ACLY: variants seen among roughly 807,000 people sequenced by gnomAD.
The protein encoded by ACLY is ATP-citrate synthase.
In ACLY, 41 loss-of-function variants were observed where a neutral mutation model predicts 133.0. That is an observed-to-expected ratio of 0.31 (90% CI 0.24 to 0.40). The LOEUF (loss-of-function observed/expected upper bound fraction) is 0.40. ACLY is among the 10% of genes least tolerant of loss of function. The probability of loss-of-function intolerance (pLI) is 1.00; values close to 1 mark genes in which losing one functional copy is unlikely to be tolerated. For synonymous variants in ACLY, 495 were observed against 549.3 expected, an observed-to-expected ratio of 0.90 and a Z score of 1.38; for missense variants, 1,046 against 1,453.8, an observed-to-expected ratio of 0.72 and a Z score of 4.56.
chr17:41,902,383 T>C (rs2049565962), intron 10 of ACLY, among the ~76,000 whole-genome samples: 1 of 152,198 alleles, frequency 6.6e-6, no homozygotes, highest in Admixed American at 6.5e-5. Context: ...CTGGCTAATT[T>C]TTTTATTTTT....
chr17:41,906,691 T>TGG (rs1555632755), intron 7 of ACLY, 45 bp from the exon 8 acceptor site: 1 of 1,553,090 alleles, frequency 6.4e-7, no homozygotes, highest in Admixed American at 1.7e-5. Flanking sequence ...GTACCCCCTT[T>TGG]ACCAGGTCCC....
intron 22 of ACLY, among the ~76,000 whole-genome samples, chr17:41,874,949 T>TAG (rs1174693101): frequency 6.8e-6 from 1 of 148,036 alleles, no homozygotes; most frequent in Non-Finnish European, 1.5e-5. Flanking sequence ...AAATGAGGCT[T>TAG]AGAGAGGCTC....
In ACLY at chr17:41,893,126, C is replaced by A. The variant is rs2049261878; in HGVS notation, c.1508G>T (p.Gly503Val). The change falls in exon 15 of 29, where the codon GGC (glycine) becomes GTC (valine). Residue 503 changes from glycine to valine, a missense_variant. By Grantham distance (109) the Gly-to-Val change is moderately radical (BLOSUM62 -3). Transcript: ENST00000352035. Reference sequence around the variant, plus strand: ...GCCTTGCACGGCCCGGGTCTGCATGCCCCACACAATGGCCTTGGTGTGGCG... The same window carrying A: ...GCCTTGCACGGCCCGGGTCTGCATGACCCACACAATGGCCTTGGTGTGGCG... The part of the protein sequence containing the change: ...FSRHTKAIVW[G>V]MQTRAVQGML... The A allele has an allele frequency of 6.2e-7, 1 of 1,614,054 alleles. No homozygotes were observed. Among genetic ancestry groups the A allele is most frequent in the East Asian group, 2.2e-5 (1 of 44,876 alleles).
chr17:41,880,657 G>A (rs940052505), intron 20 of ACLY, among the ~76,000 whole-genome samples: 3 of 152,118 alleles, frequency 2.0e-5, no homozygotes, highest in Non-Finnish European at 4.4e-5. Flanking sequence ...GAGGTCAGGA[G>A]ACTGAGACCA....
chr17:41,916,971 T>C (rs1555634639), intron 1 of ACLY, among the ~76,000 whole-genome samples: 2 of 151,456 alleles, frequency 1.3e-5, no homozygotes, highest in Non-Finnish European at 2.9e-5. Flanking sequence ...GGTGAAACCC[T>C]GTTTCTACTA....
At chr17:41,897,578 G>A (rs1332882982) in intron 13 of ACLY, among the ~76,000 whole-genome samples, 171 bp downstream of exon 13, 1 of 152,102 alleles carries the variant, frequency 6.6e-6, no homozygotes, top group African/African-American at 2.4e-5. Context: ...AGCGCCCACA[G>A]GGAAGGCTCA....
rs2049802731 is a variant in ACLY at position 41,908,770 on chromosome 17, CAAAG to C, written c.616+215_616+218del. Among the ~76,000 whole-genome samples the C allele has an allele frequency of 2.0e-5, 3 of 152,082 alleles. No individual in the cohort carries two copies. In the South Asian group the frequency reaches 6.2e-4, roughly 32 times the overall value. On this transcript the variant is annotated intron_variant, in intron 6 of 28. Transcript: ENST00000352035. Reference sequence around the variant, plus strand: ...CAGGGCAAGACTCTGTCTCTAAGACCAAAGAGAGAGGTTGGAGTTGACTAAGAGA... The same window carrying C: ...CAGGGCAAGACTCTGTCTCTAAGACCAGAGAGGTTGGAGTTGACTAAGAGA...
intron 1 of ACLY, among the ~76,000 whole-genome samples, chr17:41,917,753 A>AGAAC (rs1555634759): frequency 6.6e-6 from 1 of 152,096 alleles, no homozygotes; most frequent in African/African-American, 2.4e-5. Context: ...GCATAGTGTC[A>AGAAC]GAACGGGGAT....
chr17:41,880,394 T>C (rs2048882384), intron 20 of ACLY, among the ~76,000 whole-genome samples: 1 of 152,200 alleles, frequency 6.6e-6, no homozygotes, highest in East Asian at 1.9e-4. Context: ...GAAAGACACC[T>C]TAAAGCGTGA....
chr17:41,884,729 A>G (rs1486298625), intron 18 of ACLY, among the ~76,000 whole-genome samples: 1 of 152,200 alleles, frequency 6.6e-6, no homozygotes, highest in Non-Finnish European at 1.5e-5. Context: ...TACTAAAAAT[A>G]CAAAAATCAG....
At position 41,867,688 on chromosome 17, in the gene ACLY, G is replaced by T. The variant is rs1356371663; in HGVS notation, c.*122C>A. On this transcript the variant is annotated 3_prime_UTR_variant, in exon 29 of 29. Transcript: ENST00000352035. ...GTTGGTCTTCGGTGCCTGTACCCCA[G>T]TGGCTGTTTACATTCCAGGCCCCTG... The T allele has an allele frequency of 1.5e-6, 1 of 649,468 alleles. No homozygotes were observed. Among genetic ancestry groups the T allele is most frequent in the Non-Finnish European group, 2.6e-6 (1 of 391,642 alleles). 40.2% of individuals were successfully genotyped at this position (649,468 alleles called of 1,614,324 possible).
At position 41,895,486 on chromosome 17, in the gene ACLY, A is replaced by AG. The variant is rs575274260; in HGVS notation, c.1459+1133dup. On this transcript the variant is annotated intron_variant, in intron 14 of 28. Coordinates refer to ENST00000352035, the MANE Select transcript of ACLY (RefSeq NM_001096.3). ...AGGCTCCAGAGAGAACCTCTGTGCCAGGGGCTATGCCCCCTACACCAGGCC... is the reference window on the plus strand; with the variant it reads ...AGGCTCCAGAGAGAACCTCTGTGCCAGGGGGCTATGCCCCCTACACCAGGCC... 1.5e-3 allele frequency among the ~76,000 whole-genome samples: 221 copies of AG among 152,256 alleles called. 1 individual carries two copies. The highest frequency in any genetic ancestry group is 2.5e-3 in the Non-Finnish European group (170 of 67,984).
chr17:41,917,134 C>CA (rs35545409), intron 1 of ACLY, among the ~76,000 whole-genome samples: 9,644 of 53,022 alleles, frequency 0.18, 910 homozygotes, highest in Non-Finnish European at 0.24. Flanking sequence ...GACTCTGTCT[C>CA]AAAAAAAAAA....
chr17:41,929,449 T>C (rs782158565), intron 1 of ACLY, among the ~76,000 whole-genome samples: 1 of 152,132 alleles, frequency 6.6e-6, no homozygotes, highest in Non-Finnish European at 1.5e-5. Context: ...AGCTCAAATA[T>C]TACCCCTCTA....
At chr17:41,887,788 A>G in intron 16 of ACLY, 85 bp from the exon 17 acceptor site, 1 of 1,054,080 alleles carries the variant, frequency 9.5e-7, no homozygotes, top group South Asian at 1.3e-5. Context: ...CCCACCTCCC[A>G]TTCCACATGT....
intron 14 of ACLY, 30 bp from the exon 15 acceptor site, chr17:41,893,204 C>A: frequency 6.3e-7 from 1 of 1,599,034 alleles, no homozygotes. Context: ...AGAGTGCACC[C>A]AGAACACATA....
intron 22 of ACLY, among the ~76,000 whole-genome samples, chr17:41,877,541 C>A (rs1359477447): frequency 6.6e-6 from 1 of 151,636 alleles, no homozygotes; most frequent in Non-Finnish European, 1.5e-5. Context: ...GCCTTCAACT[C>A]CTGGTCTCAA....
In ACLY at chr17:41,916,758, C is replaced by T. The variant is rs536143455; in HGVS notation, c.-24+2122G>A. On this transcript the variant is annotated intron_variant, in intron 1 of 28. Coordinates refer to ENST00000352035, the MANE Select transcript of ACLY (RefSeq NM_001096.3). Reference sequence around the variant, plus strand: ...AGACTCTTCTGAGACTGAAAAAAACCCCAGAAAAAGGTACACAAATCCAAT... The same window carrying T: ...AGACTCTTCTGAGACTGAAAAAAACTCCAGAAAAAGGTACACAAATCCAAT... Among the ~76,000 whole-genome samples, 22 of 152,186 alleles carry T rather than the reference C, an allele frequency of 1.4e-4. 1 individual carries two copies. The South Asian group carries it at 4.6e-3, about 31-fold the overall frequency.
At chr17:41,923,305 C>T (rs1225101808), upstream of ACLY, among the ~76,000 whole-genome samples, 2 of 152,234 alleles carry the variant, frequency 1.3e-5, no homozygotes, top group Non-Finnish European at 2.9e-5. Context: ...TCTCCAAGCC[C>T]AGGTTTGGGC....
Sources: allele counts gnomAD v4.1 joint callset (sites outside exome capture counted in the v4.1 genomes callset), GRCh38; gene constraint gnomAD v4.1.1; transcripts MANE v1.5; gene names NCBI Gene and HGNC (gene_info 2026-07-23, HGNC 2026-07-21).